The following HDAC9 variants were observed in gnomAD, a reference collection of about 807,000 sequenced individuals.
HDAC9 encodes the protein MEF-2 interacting transcription repressor (MITR) protein.
In HDAC9, 41 loss-of-function variants were observed where a neutral mutation model predicts 139.4. The ratio of observed to expected loss-of-function variants is 0.29; its 90% CI spans 0.23 to 0.38. The LOEUF (loss-of-function observed/expected upper bound fraction) is 0.38. Among genes scored for constraint, HDAC9 ranks in the 10% least tolerant of loss-of-function variants. The pLI is 1.00. For synonymous variants in HDAC9, 517 were observed against 476.2 expected, an observed-to-expected ratio of 1.09 and a Z score of -1.12; for missense variants, 1,147 against 1,297.0, an observed-to-expected ratio of 0.88 and a Z score of 1.78.
intron 11 of HDAC9, among the ~76,000 whole-genome samples, chr7:18,657,839 C>T (rs918096788): frequency 6.6e-6 from 1 of 152,088 alleles, no homozygotes; most frequent in African/African-American, 2.4e-5. Context: ...AGGATAAAAT[C>T]CAAACACTTT....
At chr7:18,382,787 T>C (rs772167535) in intron 1 of HDAC9, among the ~76,000 whole-genome samples, 65 of 152,340 alleles carry the variant, frequency 4.3e-4, no homozygotes, top group Admixed American at 7.8e-4. Flanking sequence ...GAAACAGTTA[T>C]AGACAAATAT....
At chr7:18,423,835 C>G (rs775967341) in intron 1 of HDAC9, among the ~76,000 whole-genome samples, 4 of 152,124 alleles carry the variant, frequency 2.6e-5, no homozygotes, top group African/African-American at 7.2e-5. Flanking sequence ...TTATATGGGC[C>G]AAAGCAAGTC....
At chr7:18,340,428 G>A (rs909526745) in intron 1 of HDAC9, among the ~76,000 whole-genome samples, 6 of 151,450 alleles carry the variant, frequency 4.0e-5, no homozygotes, top group South Asian at 2.1e-4. Flanking sequence ...TGTTCTGTCC[G>A]TTCTTTGTTC....
At chr7:18,238,668 A>T (rs960984344) in intron 2 of HDAC9, among the ~76,000 whole-genome samples, 1 of 152,236 alleles carries the variant, frequency 6.6e-6, no homozygotes, top group African/African-American at 2.4e-5. Flanking sequence ...GATTGAGGGC[A>T]GAAGAAGGCT....
intron 21 of HDAC9, among the ~76,000 whole-genome samples, chr7:18,865,849 A>G (rs1798452775): frequency 6.6e-6 from 1 of 151,860 alleles, no homozygotes; most frequent in South Asian, 2.1e-4. Flanking sequence ...GAAAAGGTAT[A>G]ATTTTATAAT....
chr7:18,159,847 G>T (rs938479469), intron 1 of HDAC9, among the ~76,000 whole-genome samples: 2 of 152,144 alleles, frequency 1.3e-5, no homozygotes, highest in African/African-American at 4.8e-5. Flanking sequence ...GTGTCATGTG[G>T]AGGCAGTTAT....
At chr7:18,529,661 CAT>C in intron 2 of HDAC9, among the ~76,000 whole-genome samples, 1 of 152,252 alleles carries the variant, frequency 6.6e-6, no homozygotes, top group East Asian at 1.9e-4. Context: ...TTATTTCATC[CAT>C]AGACTTGTTT....
rs559995664 is a variant in HDAC9, at chr7:18,913,065, A to G, written c.2804-22744A>G. ...TATTTTCTCTGCTTAAAAACTTTCTATTTCTCTTTTGTGTCAGAGAGGACT... is the reference window on the plus strand; with the variant it reads ...TATTTTCTCTGCTTAAAAACTTTCTGTTTCTCTTTTGTGTCAGAGAGGACT... On this transcript the variant is annotated intron_variant, in intron 22 of 25. Coordinates refer to ENST00000686413, the MANE Select transcript of HDAC9 (RefSeq NM_178425.4). 7.9e-5 allele frequency among the ~76,000 whole-genome samples: 12 copies of G among 152,192 alleles called. 1 individual carries two copies. The highest frequency in any genetic ancestry group is 6.2e-4 in the South Asian group (3 of 4,824).
At chr7:18,142,611 A>G (rs925406757) in intron 1 of HDAC9, among the ~76,000 whole-genome samples, 3 of 152,188 alleles carry the variant, frequency 2.0e-5, no homozygotes, top group Non-Finnish European at 4.4e-5. Flanking sequence ...CTCTGCTTTA[A>G]TCAGAGGGAC....
intron 1 of HDAC9, among the ~76,000 whole-genome samples, chr7:18,420,661 G>A (rs961018866): frequency 6.6e-6 from 1 of 152,064 alleles, no homozygotes; most frequent in Non-Finnish European, 1.5e-5. Context: ...ACATTCTTGT[G>A]GATCATGCAG....
chr7:18,371,197 T>C (rs551221653), intron 1 of HDAC9, among the ~76,000 whole-genome samples: 106 of 152,306 alleles, frequency 7.0e-4, no homozygotes, highest in African/African-American at 1.7e-3. Context: ...AATCGAAGTA[T>C]GGATTTCAAT....
chr7:18,566,385 CCTTT>C (rs1822358236), intron 2 of HDAC9, among the ~76,000 whole-genome samples: 1 of 152,154 alleles, frequency 6.6e-6, no homozygotes, highest in African/African-American at 2.4e-5. Flanking sequence ...AGTACCTCTC[CCTTT>C]CTTTACATCA....
At chr7:18,653,865 A>G (rs1362692294) in intron 11 of HDAC9, among the ~76,000 whole-genome samples, 1 of 152,090 alleles carries the variant, frequency 6.6e-6, no homozygotes, top group Non-Finnish European at 1.5e-5. Flanking sequence ...CATGAATGTT[A>G]TATATTCTCT....
intron 1 of HDAC9, among the ~76,000 whole-genome samples, chr7:18,477,708 C>T (rs1331801556): frequency 4.6e-5 from 7 of 151,960 alleles, no homozygotes; most frequent in East Asian, 1.9e-4. Flanking sequence ...AATGTTATGT[C>T]GATTCTTAAA....
At chr7:18,794,860 G>A (rs1214001704) in intron 17 of HDAC9, among the ~76,000 whole-genome samples, 1 of 152,122 alleles carries the variant, frequency 6.6e-6, no homozygotes, top group Non-Finnish European at 1.5e-5. Flanking sequence ...GATTATGCTG[G>A]CACAGCTCTT....
At position 18,393,418 on chromosome 7, in the gene HDAC9, A is replaced by C. The variant is rs145877065; in HGVS notation, c.-41-102844A>C. On this transcript the variant is annotated intron_variant, in intron 1 of 3. Coordinates refer to the HDAC9 transcript ENST00000413509. ...GAGGGAACAGAGGAGATTTGCAGCA[A>C]ATGCAGCAAAATGGTCACCTGTTTT... Among the ~76,000 whole-genome samples the C allele has an allele frequency of 1.0e-3, 158 of 152,278 alleles. 4 individuals carry two copies. In the East Asian group the frequency reaches 0.029, roughly 28 times the overall value.
chr7:18,516,270 A>G (rs951310555), intron 2 of HDAC9, among the ~76,000 whole-genome samples: 3 of 152,216 alleles, frequency 2.0e-5, no homozygotes, highest in Admixed American at 6.5e-5. Flanking sequence ...ATGAAATTTA[A>G]AAGACCTTTA....
At chr7:18,942,091 A>G (rs542086119) in intron 23 of HDAC9, among the ~76,000 whole-genome samples, 2 of 152,198 alleles carry the variant, frequency 1.3e-5, no homozygotes, top group South Asian at 2.1e-4. Context: ...AATGACATTC[A>G]TTTATCTGAC....
intron 2 of HDAC9, among the ~76,000 whole-genome samples, chr7:18,169,507 C>T (rs572810321): frequency 2.0e-5 from 3 of 151,722 alleles, no homozygotes; most frequent in South Asian, 2.1e-4. Flanking sequence ...ATGTGCACAA[C>T]GTACATGTTT....
Sources: gnomAD v4.1 joint callset for allele counts (sites outside exome capture counted in the v4.1 genomes callset) on GRCh38, gnomAD v4.1.1 for gene constraint, MANE v1.5 for transcripts, NCBI Gene and HGNC (gene_info 2026-07-23, HGNC 2026-07-21) for gene names.